Variants in DHTKD1 observed in about 807,000 individuals in gnomAD.
DHTKD1 encodes 2-oxoadipate dehydrogenase complex component E1.
In DHTKD1, 78 loss-of-function variants were observed where a neutral mutation model predicts 101.8. The observed-to-expected ratio is 0.77, with a 90% CI of 0.64 to 0.93. DHTKD1 has a LOEUF of 0.93. Ranked by LOEUF, DHTKD1 falls within the 40% of genes least tolerant of loss-of-function variation. The probability of loss-of-function intolerance (pLI) is 0.00; values close to 1 mark genes in which losing one functional copy is unlikely to be tolerated. For missense variants in DHTKD1, 1,223 were observed against 1,161.7 expected, an observed-to-expected ratio of 1.05 and a Z score of -0.77; for synonymous variants, 462 against 450.3, an observed-to-expected ratio of 1.03 and a Z score of -0.33.
At chr10:12,105,072 C>G (rs1833222926) in intron 10 of DHTKD1, among the ~76,000 whole-genome samples, 1 of 151,866 alleles carries the variant, frequency 6.6e-6, no homozygotes, top group Admixed American at 6.6e-5. Context: ...GTTGGCCAGG[C>G]TGGTCTCGAA....
In DHTKD1 at chr10:12,094,159, C is replaced by T. The variant is rs200722918; in HGVS notation, c.1246C>T (p.Gln416Ter). 7.1e-5 allele frequency: 114 copies of T among 1,613,926 alleles called. No homozygotes were observed. The highest frequency in any genetic ancestry group is 9.2e-5 in the Non-Finnish European group (108 of 1,179,938). Reference sequence around the variant, plus strand: ...TGCCACACGACTGGCTTTTGAATACCAACGCCAGTTCCGCAAGGATGTGAT... The same window carrying T: ...TGCCACACGACTGGCTTTTGAATACTAACGCCAGTTCCGCAAGGATGTGAT... Reference protein sequence around the residue: ...VRATRLAFEYQRQFRKDVIID... With the variant: ...VRATRLAFEY The change falls in exon 7 of 17, where the codon CAA becomes TAA. Residue 416 changes from glutamine (Q) to a stop codon, truncating the protein, a stop_gained. Coordinates refer to ENST00000263035, the MANE Select transcript of DHTKD1 (RefSeq NM_018706.7). LOFTEE classifies it high-confidence loss of function.
At chr10:12,079,535 G>A (rs1832782880) in intron 1 of DHTKD1, among the ~76,000 whole-genome samples, 1 of 152,100 alleles carries the variant, frequency 6.6e-6, no homozygotes, top group Admixed American at 6.6e-5. Context: ...GGGTATGGTG[G>A]CATGCACCTG....
chr10:12,118,666 G>A (rs1419213179), intron 14 of DHTKD1, 83 bp from the exon 15 acceptor site: 12 of 1,204,474 alleles, frequency 1.0e-5, no homozygotes, highest in East Asian at 8.4e-5. Context: ...ACAGGCGTGA[G>A]CTACTGCACC....
intron 2 of DHTKD1, 145 bp from the exon 3 acceptor site, chr10:12,084,395 A>C (rs1832869007): frequency 1.7e-6 from 1 of 589,240 alleles, no homozygotes; most frequent in Non-Finnish European, 3.0e-6. Flanking sequence ...TGCATATAAC[A>C]AAACAATGCC....
intron 2 of DHTKD1, among the ~76,000 whole-genome samples, chr10:12,082,918 C>T (rs576632413): frequency 2.6e-5 from 4 of 152,018 alleles, no homozygotes; most frequent in Admixed American, 6.6e-5. Flanking sequence ...GGGCAGATCA[C>T]GAGGTCAGGA....
rs765841515 is a variant in DHTKD1, at chr10:12,088,973, G to A, written c.718-13G>A. 7.5e-6 allele frequency: 12 copies of A among 1,602,318 alleles called. No individual in the cohort carries two copies. The highest frequency in any genetic ancestry group is 6.8e-5 in the Admixed American group (4 of 58,844). On this transcript the variant is annotated splice_polypyrimidine_tract_variant and intron_variant, in intron 4 of 16. Transcript: ENST00000263035. ...GAATGCCATTTTTTTCCTTTTGAATGTATCCACAATAGCTGATGTTCCGTA... is the reference window on the plus strand; with the variant it reads ...GAATGCCATTTTTTTCCTTTTGAATATATCCACAATAGCTGATGTTCCGTA...
At chr10:12,080,704 A>G (rs1832802746) in intron 1 of DHTKD1, among the ~76,000 whole-genome samples, 1 of 127,782 alleles carries the variant, frequency 7.8e-6, no homozygotes, top group Admixed American at 8.5e-5. Flanking sequence ...TAGCAAGACA[A>G]TGTCTGAAAA....
rs960603388 is a variant in DHTKD1 at position 12,120,427 on chromosome 10, G to A, written c.2658+160G>A. The A allele has an allele frequency of 8.5e-5, 50 of 589,130 alleles. 1 individual carries two copies. Among genetic ancestry groups the A allele is most frequent in the Non-Finnish European group, 1.2e-4 (42 of 340,480 alleles). 36.5% of individuals were successfully genotyped at this position (589,130 alleles called of 1,614,324 possible). A position where few individuals can be genotyped will look rare whatever the true frequency, so the allele number is the denominator to read the frequency against. On this transcript the variant is annotated intron_variant, in intron 16 of 16. Transcript: ENST00000263035. ...CAGCTCACTGCAAGCTCCGCCCCCC[G>A]GGTTCACGCCATTCTCCTGCCTCAG...
intron 8 of DHTKD1, among the ~76,000 whole-genome samples, chr10:12,098,277 A>G (rs1833104858): frequency 6.6e-6 from 1 of 152,206 alleles, no homozygotes; most frequent in South Asian, 2.1e-4. Flanking sequence ...GAGATACAAG[A>G]ATGTCTGTTT....
chr10:12,100,895 T>C, intron 9 of DHTKD1, 147 bp from the exon 10 acceptor site: 1 of 796,048 alleles, frequency 1.3e-6, no homozygotes. Flanking sequence ...TATAGACTTT[T>C]GAATATTGGA....
chr10:12,075,891 ACTT>A (rs1832719180), intron 1 of DHTKD1, among the ~76,000 whole-genome samples: 2 of 150,532 alleles, frequency 1.3e-5, no homozygotes, highest in Admixed American at 6.6e-5. Flanking sequence ...TCTTTTTTTT[ACTT>A]CTTTTGTTTT....
chr10:12,122,844 A>G lies in DHTKD1; in HGVS notation c.*1956A>G, dbSNP rs1364082522. 1 of 152,022 alleles carries G rather than the reference A, an allele frequency of 6.6e-6. No individual in the cohort carries two copies. Among genetic ancestry groups the G allele is most frequent in the African/African-American group, 2.4e-5 (1 of 41,312 alleles). 9.4% of individuals were successfully genotyped at this position (152,022 alleles called of 1,614,324 possible). On this transcript the variant is annotated 3_prime_UTR_variant, in exon 17 of 17. Coordinates refer to ENST00000263035, the MANE Select transcript of DHTKD1 (RefSeq NM_018706.7). ...CTCTACCATCTACTGTGCTTGTGTC[A>G]TGATGCTTTTTCTCTGAAGTGGTGT...
intron 7 of DHTKD1, among the ~76,000 whole-genome samples, chr10:12,097,385 G>C (rs1833085744): frequency 6.6e-6 from 1 of 152,096 alleles, no homozygotes; most frequent in East Asian, 1.9e-4. Flanking sequence ...CAATTCTCCT[G>C]CCTCAGCCTC....
At chr10:12,115,114 G>C (rs1192961099) in intron 13 of DHTKD1, among the ~76,000 whole-genome samples, 1 of 129,856 alleles carries the variant, frequency 7.7e-6, no homozygotes, top group Non-Finnish European at 1.6e-5. Context: ...AGTTTCTTGA[G>C]ATGGAGTGTC....
intron 1 of DHTKD1, among the ~76,000 whole-genome samples, chr10:12,075,895 CTTTT>C (rs1308916427): frequency 4.0e-5 from 6 of 148,990 alleles, no homozygotes; most frequent in African/African-American, 1.5e-4. Context: ...TTTTTTACTT[CTTTT>C]GTTTTTTCTT....
intron 10 of DHTKD1, among the ~76,000 whole-genome samples, chr10:12,105,822 G>A (rs1343515817): frequency 1.3e-5 from 2 of 152,186 alleles, no homozygotes; most frequent in Admixed American, 6.6e-5. Context: ...GAGGCCGGGC[G>A]TGGTGGCTCA....
At chr10:12,083,456 CGGG>C (rs1832853159) in intron 2 of DHTKD1, among the ~76,000 whole-genome samples, 11 of 152,216 alleles carry the variant, frequency 7.2e-5, no homozygotes, top group Admixed American at 2.0e-4. Context: ...AGGTTGGGGC[CGGG>C]TGTGGTGGCT....
At chr10:12,096,477 C>G (rs1031474015) in intron 7 of DHTKD1, among the ~76,000 whole-genome samples, 6 of 152,136 alleles carry the variant, frequency 3.9e-5, no homozygotes, top group Non-Finnish European at 2.9e-5. Context: ...CCTCGACTTC[C>G]TGGGCTCAAG....
chr10:12,106,531 T>C (rs1165012329), intron 11 of DHTKD1, 135 bp downstream of exon 11: 9 of 1,119,526 alleles, frequency 8.0e-6, no homozygotes, highest in African/African-American at 1.5e-5. Flanking sequence ...GGAGTTGGGG[T>C]CACCCTGTTA....
Sources: allele counts gnomAD v4.1 joint callset (sites outside exome capture counted in the v4.1 genomes callset), GRCh38; gene constraint gnomAD v4.1.1; transcripts MANE v1.5; gene names NCBI Gene and HGNC (gene_info 2026-07-23, HGNC 2026-07-21).